The following SMPD4 variants were observed in gnomAD, a reference collection of about 807,000 sequenced individuals.
SMPD4 encodes the protein sphingomyelin phosphodiesterase 4, also known as neutral sphingomyelinase 3.
SMPD4 carries 58 observed loss-of-function variants against 97.8 expected under a neutral mutation model. That is an observed-to-expected ratio of 0.59 (90% CI 0.48 to 0.74). SMPD4 has a LOEUF of 0.74. Among genes scored for constraint, SMPD4 ranks in the 30% least tolerant of loss-of-function variants. The pLI is 0.00. For synonymous variants in SMPD4, 388 were observed against 450.0 expected (o/e 0.86, Z 1.74); for missense variants, 853 against 1,080.5 (o/e 0.79, Z 2.95).
intron 8 of SMPD4, among the ~76,000 whole-genome samples, chr2:130,169,627 A>T (rs1446250787): frequency 1.3e-5 from 2 of 151,360 alleles, no homozygotes; most frequent in East Asian, 3.9e-4. Context: ...GTGCAGTGGC[A>T]CGCTCACAGC....
Position 130,153,100 on chromosome 2 carries a change from A to G in SMPD4, c.2097T>C (p.Tyr699=). 1.2e-6 allele frequency: 2 copies of G among 1,612,114 alleles called. No individual in the cohort carries two copies. The highest frequency in any genetic ancestry group is 1.7e-6 in the Non-Finnish European group (2 of 1,178,608). The change falls in exon 19 of 20, where the codon TAT becomes TAC. Residue 699 remains tyrosine (Y), a synonymous_variant. Transcript: ENST00000680298. ...GTGTGCGGACCAAGCTGGCGATCTC[A>G]TAGCTCCGGATGGGCTGCAGCTCCG... is the stretch of plus-strand genomic sequence containing the variant. The part of the protein sequence containing the change: ...GDPELQPIRS[Y]EIASLVRTLF...
intron 5 of SMPD4, 39 bp from the exon 6 acceptor site, chr2:130,172,934 G>C: frequency 6.3e-7 from 1 of 1,582,784 alleles, no homozygotes; most frequent in Non-Finnish European, 8.6e-7. Context: ...GCAGGTGCTG[G>C]TGCGTAGTGC....
intron 10 of SMPD4, among the ~76,000 whole-genome samples, chr2:130,161,610 C>T (rs1687429612): frequency 6.6e-6 from 1 of 152,154 alleles, no homozygotes; most frequent in African/African-American, 2.4e-5. Context: ...GCCTAAAGGC[C>T]TCTCTAGCTC....
chr2:130,173,229 T>C lies in SMPD4; in HGVS notation c.345+50A>G, dbSNP rs770776886. ...GAGATTGCCCATCACCACAGGGCTGTGCAAGGCCCACTGCCCCGAGCACCA... is the reference window on the plus strand; with the variant it reads ...GAGATTGCCCATCACCACAGGGCTGCGCAAGGCCCACTGCCCCGAGCACCA... On this transcript the variant is annotated intron_variant, in intron 5 of 19. Coordinates refer to ENST00000680298, the MANE Select transcript of SMPD4 (RefSeq NM_017951.5). 5 of 1,555,406 alleles carry C rather than the reference T, an allele frequency of 3.2e-6. No homozygotes were observed. In the South Asian group the frequency reaches 4.5e-5, roughly 14 times the overall value.
chr2:130,170,458 CAAAAA>C (rs556058599), intron 8 of SMPD4, among the ~76,000 whole-genome samples: 1 of 64,680 alleles, frequency 1.5e-5, no homozygotes, highest in African/African-American at 6.2e-5. Context: ...AAGACCCTGT[CAAAAA>C]AAAAAAAAAA....
At chr2:130,160,964 C>T (rs1396171606) in intron 11 of SMPD4, among the ~76,000 whole-genome samples, 18 of 152,196 alleles carry the variant, frequency 1.2e-4, no homozygotes, top group Non-Finnish European at 2.2e-4. Context: ...CCACATGCCT[C>T]GTTCTGCCAC....
At chr2:130,162,243 C>T (rs2599761) in intron 10 of SMPD4, among the ~76,000 whole-genome samples, 1 of 152,232 alleles carries the variant, frequency 6.6e-6, no homozygotes, top group Non-Finnish European at 1.5e-5. Context: ...GACCCTCCGA[C>T]CTGCTGCCCT....
chr2:130,174,958 G>T lies in SMPD4; in HGVS notation c.82C>A (p.Gln28Lys). 1 of 1,609,918 alleles carries T rather than the reference G, an allele frequency of 6.2e-7. No homozygotes were observed. Among genetic ancestry groups the T allele is most frequent in the Non-Finnish European group, 8.5e-7 (1 of 1,176,402 alleles). Residue 28 changes from glutamine (Q) to lysine (K), a missense_variant, in exon 3 of 20, where the codon CAG (glutamine) becomes AAG (lysine). Coordinates refer to ENST00000680298, the MANE Select transcript of SMPD4 (RefSeq NM_017951.5). Reference protein sequence around the residue: ...ADSINKPFAQQCQDLVKVIED... With the variant: ...ADSINKPFAQKCQDLVKVIED... ...ATGACTTTAACCAAGTCTTGGCACT[G>T]CTGTGCAAAGGGCTTATTTATAGAG...
intron 8 of SMPD4, among the ~76,000 whole-genome samples, chr2:130,168,376 A>T (rs1288993416): frequency 3.9e-5 from 6 of 152,038 alleles, no homozygotes; most frequent in Non-Finnish European, 8.8e-5. Context: ...GTGAGCAGAG[A>T]TCGTACCACT....
At chr2:130,157,230 G>C (rs770829604) in intron 12 of SMPD4, 21 bp downstream of exon 12, 2 of 1,547,282 alleles carry the variant, frequency 1.3e-6, no homozygotes, top group Admixed American at 3.9e-5. Context: ...GCAGTGGTGG[G>C]AAGCCGCAAG....
intron 16 of SMPD4, 131 bp from the exon 17 acceptor site, chr2:130,154,066 C>G (rs898089406): frequency 9.0e-7 from 1 of 1,111,084 alleles, no homozygotes; most frequent in African/African-American, 1.6e-5. Context: ...CTTTTAAAGA[C>G]TAAAGGATGA....
In SMPD4 at chr2:130,152,223, G is replaced by A. The variant is rs1176306110; in HGVS notation, c.*332C>T. The A allele has an allele frequency of 4.6e-5, 12 of 263,714 alleles. No individual in the cohort carries two copies. Among genetic ancestry groups the A allele is most frequent in the Non-Finnish European group, 8.0e-5 (11 of 137,338 alleles). 16.3% of individuals were successfully genotyped at this position (263,714 alleles called of 1,614,324 possible). Reference sequence around the variant, plus strand: ...TGGCAGGCTGGCTCCCAAGCTTGGTGCAGCAGAGTAGCCAAATGGGCAGTG... The same window carrying A: ...TGGCAGGCTGGCTCCCAAGCTTGGTACAGCAGAGTAGCCAAATGGGCAGTG... On this transcript the variant is annotated 3_prime_UTR_variant, in exon 20 of 20. Coordinates refer to ENST00000680298, the MANE Select transcript of SMPD4 (RefSeq NM_017951.5).
In SMPD4 at chr2:130,152,091, T is replaced by C. The variant is rs1573653531; in HGVS notation, c.*464A>G. 1 of 157,048 alleles carries C rather than the reference T, an allele frequency of 6.4e-6. No homozygotes were observed. The highest frequency in any genetic ancestry group is 1.9e-4 in the East Asian group (1 of 5,290). The allele number at this position is 157,048 out of a possible 1,614,324, so 9.7% of individuals were successfully genotyped here. A position where few individuals can be genotyped will look rare whatever the true frequency, so the allele number is the denominator to read the frequency against. On this transcript the variant is annotated 3_prime_UTR_variant, in exon 20 of 20. Coordinates refer to ENST00000680298, the MANE Select transcript of SMPD4 (RefSeq NM_017951.5). ...TAGAAACTTTGATTCTTTCCTGGAG[T>C]GGAGACTTAAGCCACTGTCCTGGTC... is the stretch of plus-strand genomic sequence containing the variant.
chr2:130,153,050 T>C lies in SMPD4; in HGVS notation c.2147A>G (p.Asn716Ser), dbSNP rs1686389377. 1 of 1,611,224 alleles carries C rather than the reference T, an allele frequency of 6.2e-7. No homozygotes were observed. Among genetic ancestry groups the C allele is most frequent in the Non-Finnish European group, 8.5e-7 (1 of 1,179,566 alleles). The change falls in exon 19 of 20, where the codon AAC becomes AGC. Residue 716 changes from asparagine (N) to serine (S), a missense_variant. Asn to Ser is a conservative substitution (Grantham distance 46). Transcript: ENST00000680298. ...GCCCTCCTGCCCACTCACTCTGTGG[T>C]TGATGGCAGACGACAGCCTAAAGAG... ...RTLFRLSSAI[N>S]HRFAGQMAAL...
intron 1 of SMPD4, among the ~76,000 whole-genome samples, chr2:130,179,982 T>C (rs1287918736): frequency 2.7e-5 from 4 of 149,710 alleles, no homozygotes; most frequent in African/African-American, 9.9e-5. Context: ...TTTTTTTTTT[T>C]TGAGATGGTC....
chr2:130,158,570 T>C (rs1267650379), intron 11 of SMPD4, among the ~76,000 whole-genome samples: 1 of 152,162 alleles, frequency 6.6e-6, no homozygotes, highest in Non-Finnish European at 1.5e-5. Flanking sequence ...TGAGCCACTG[T>C]GTCCAGCCTA....
intron 10 of SMPD4, among the ~76,000 whole-genome samples, chr2:130,163,145 G>A (rs1343144817): frequency 6.6e-6 from 1 of 152,228 alleles, no homozygotes; most frequent in Non-Finnish European, 1.5e-5. Context: ...GCCAGGCCAC[G>A]CCACGCCACG....
intron 11 of SMPD4, chr2:130,159,468 A>C (rs1687173781): frequency 6.6e-6 from 1 of 152,034 alleles, no homozygotes; most frequent in South Asian, 2.1e-4. Flanking sequence ...GTGAAACTAC[A>C]TCTCTACTAA....
chr2:130,152,854 G>A lies in SMPD4; in HGVS notation c.2185C>T (p.Arg729Trp), dbSNP rs375427555. 103 of 1,589,398 alleles carry A rather than the reference G, an allele frequency of 6.5e-5. No individual in the cohort carries two copies. Among genetic ancestry groups the A allele is most frequent in the Non-Finnish European group, 6.7e-5 (78 of 1,165,970 alleles). The change falls in exon 20 of 20, where the codon CGG (arginine) becomes TGG (tryptophan). Residue 729 changes from arginine (R) to tryptophan (W), a missense_variant. This residue lies in a region of SMPD4 where 511 missense variants were observed against 608.1 expected (regional missense o/e 0.84). Coordinates refer to ENST00000680298, the MANE Select transcript of SMPD4 (RefSeq NM_017951.5). ...FAGQMAALCSRDDFLGSFCRY... is the reference protein window; with the variant it reads ...FAGQMAALCSWDDFLGSFCRY... ...CAGAAGCTGCCGAGGAAGTCATCCC[G>A]GGAACACAGAGCCGCCATCTGTCCT...
Sources: allele counts gnomAD v4.1 joint callset (sites outside exome capture counted in the v4.1 genomes callset), GRCh38; gene constraint gnomAD v4.1.1; regional missense constraint gnomAD v4.1.1; transcripts MANE v1.5; gene names NCBI Gene and HGNC (gene_info 2026-07-23, HGNC 2026-07-21).